DLGAP2: variants seen among roughly 807,000 people sequenced by gnomAD.
The protein encoded by DLGAP2 is disks large-associated protein 2.
A neutral mutation model predicts 100.3 loss-of-function variants in DLGAP2; 26 were observed. The observed-to-expected ratio is 0.26, with a 90% CI of 0.19 to 0.36. The LOEUF (loss-of-function observed/expected upper bound fraction) is 0.36. Ranked by LOEUF, DLGAP2 falls within the 10% of genes least tolerant of loss-of-function variation. DLGAP2 has a pLI of 1.00. For missense variants in DLGAP2, 1,858 were observed against 1,453.2 expected (o/e 1.28, Z -4.53); for synonymous variants, 886 against 630.1 (o/e 1.41, Z -6.08).
intron 3 of DLGAP2, among the ~76,000 whole-genome samples, chr8:1,279,106 A>T (rs1799764415): frequency 6.6e-6 from 1 of 152,238 alleles, no homozygotes; most frequent in African/African-American, 2.4e-5. Flanking sequence ...GTATTTTTCT[A>T]ATTGGGACTT....
At chr8:1,326,228 A>T (rs28376074) in intron 3 of DLGAP2, among the ~76,000 whole-genome samples, 19,127 of 152,260 alleles carry the variant, frequency 0.13, 1,292 homozygotes, top group East Asian at 0.23. Flanking sequence ...AGCAGTTTTA[A>T]ATAAAAATAA....
chr8:1,558,376 G>A (rs1399850548), intron 5 of DLGAP2, among the ~76,000 whole-genome samples: 1 of 152,208 alleles, frequency 6.6e-6, no homozygotes, highest in African/African-American at 2.4e-5. Flanking sequence ...AAGAGAGTGA[G>A]GCCACACCGC....
chr8:1,559,511 T>C (rs1490954751), intron 5 of DLGAP2, among the ~76,000 whole-genome samples: 1 of 152,234 alleles, frequency 6.6e-6, no homozygotes, highest in Non-Finnish European at 1.5e-5. Flanking sequence ...ACATTCTTTC[T>C]GTATTGAAAT....
chr8:1,274,315 A>G (rs986651254), intron 3 of DLGAP2, among the ~76,000 whole-genome samples: 5 of 152,202 alleles, frequency 3.3e-5, no homozygotes, highest in Admixed American at 3.3e-4. Flanking sequence ...TTGTGCCCCC[A>G]CACAGACTCT....
chr8:1,456,053 C>T (rs1798301965), intron 3 of DLGAP2, among the ~76,000 whole-genome samples: 1 of 152,242 alleles, frequency 6.6e-6, no homozygotes, highest in Non-Finnish European at 1.5e-5. Flanking sequence ...TCTGAGGAAT[C>T]TGTTGTTGGC....
chr8:849,970 A>T (rs1048623198), intron 1 of DLGAP2, among the ~76,000 whole-genome samples: 1 of 151,036 alleles, frequency 6.6e-6, no homozygotes, highest in Non-Finnish European at 1.5e-5. Context: ...AGGCTGAGGC[A>T]GGAGAATTGC....
At chr8:1,200,503 C>T (rs1276455570) in intron 2 of DLGAP2, among the ~76,000 whole-genome samples, 1 of 152,168 alleles carries the variant, frequency 6.6e-6, no homozygotes, top group Admixed American at 6.5e-5. Context: ...TCCTCGGGGG[C>T]TGAAGGGCCT....
chr8:985,932 A>G (rs1341397396), intron 2 of DLGAP2, among the ~76,000 whole-genome samples: 3 of 152,096 alleles, frequency 2.0e-5, no homozygotes, highest in South Asian at 2.1e-4. Flanking sequence ...CTCCCTGAAG[A>G]TGCTCTTGGT....
chr8:896,709 C>T (rs933146998), intron 1 of DLGAP2, among the ~76,000 whole-genome samples: 1 of 152,070 alleles, frequency 6.6e-6, no homozygotes, highest in Non-Finnish European at 1.5e-5. Flanking sequence ...ACCATCTGAG[C>T]CCGGAAGTGG....
At position 1,701,265 on chromosome 8, in the gene DLGAP2, G is replaced by A. The variant is rs768969900; in HGVS notation, c.3027G>A (p.Leu1009=). The part of the protein sequence containing the change: ...GKFPITREKS[L]DLPDRQRQEA... ...TTCCCATCACAAGAGAAAAATCCCT[G>A]GACCTGCCCGACAGACAACGCCAGG... Residue 1009 remains leucine (L), a synonymous_variant, in exon 15 of 15, where the codon CTG becomes CTA. Transcript: ENST00000637795. The A allele has an allele frequency of 6.3e-7, 1 of 1,582,330 alleles. No individual in the cohort carries two copies.
In DLGAP2 at chr8:953,657, T is replaced by A. The variant is rs527324543; in HGVS notation, c.73+45691T>A. On this transcript the variant is annotated intron_variant, in intron 2 of 14. Transcript: ENST00000637795. ...ATGACTGTGGTTTTGTCCATCAGTCTTTTTTCACATAAAAACAGAGTTGCG... is the reference window on the plus strand; with the variant it reads ...ATGACTGTGGTTTTGTCCATCAGTCATTTTTCACATAAAAACAGAGTTGCG... 2.3e-3 allele frequency among the ~76,000 whole-genome samples: 346 copies of A among 151,692 alleles called. 1 individual carries two copies. Among genetic ancestry groups the A allele is most frequent in the Non-Finnish European group, 4.2e-3 (283 of 68,022 alleles).
intron 2 of DLGAP2, among the ~76,000 whole-genome samples, chr8:972,454 A>G (rs1800036299): frequency 1.3e-5 from 2 of 152,240 alleles, no homozygotes; most frequent in South Asian, 4.1e-4. Flanking sequence ...AAAATCAAAG[A>G]TAAAAAACAT....
At chr8:748,197 GGGGGCTCTGCGGTGGGATGA>G (rs1371796136) in intron 1 of DLGAP2, among the ~76,000 whole-genome samples, 17 of 102,042 alleles carry the variant, frequency 1.7e-4, no homozygotes, top group East Asian at 6.9e-4. Context: ...CGGTGGGATG[GGGGGCTCTGCGGTGGGATGA>G]GCGGGTCTGC....
intron 8 of DLGAP2, among the ~76,000 whole-genome samples, chr8:1,655,656 A>G (rs555510456): frequency 3.0e-4 from 46 of 152,348 alleles, no homozygotes; most frequent in African/African-American, 1.1e-3. Context: ...AAGCCATGTG[A>G]AGTGTAGATT....
At chr8:1,464,034 G>T (rs1339310980) in intron 3 of DLGAP2, among the ~76,000 whole-genome samples, 1 of 152,226 alleles carries the variant, frequency 6.6e-6, no homozygotes, top group Non-Finnish European at 1.5e-5. Flanking sequence ...GAAAAAAAGG[G>T]AAATCAACAG....
At chr8:1,638,557 G>A (rs976335183) in intron 8 of DLGAP2, among the ~76,000 whole-genome samples, 2 of 152,178 alleles carry the variant, frequency 1.3e-5, no homozygotes, top group Non-Finnish European at 2.9e-5. Flanking sequence ...AGAAGAGCAC[G>A]GAGAAGACAG....
intron 3 of DLGAP2, among the ~76,000 whole-genome samples, chr8:1,351,963 T>C (rs1447135751): frequency 1.3e-5 from 1 of 74,670 alleles, no homozygotes; most frequent in Admixed American, 1.7e-4. Flanking sequence ...GGGTCCTGAG[T>C]GTGTGTGGAA....
chr8:1,122,056 T>C (rs1474155876), intron 2 of DLGAP2, among the ~76,000 whole-genome samples: 2 of 152,188 alleles, frequency 1.3e-5, no homozygotes, highest in Non-Finnish European at 2.9e-5. Context: ...CCCCTCGTGG[T>C]AATGCCCCAA....
At chr8:778,005 G>A (rs933844192) in intron 1 of DLGAP2, among the ~76,000 whole-genome samples, 7 of 152,062 alleles carry the variant, frequency 4.6e-5, no homozygotes, top group African/African-American at 1.7e-4. Flanking sequence ...CGTAGATTTG[G>A]TCTTTTCACG....
Sources: gnomAD v4.1 joint callset for allele counts (sites outside exome capture counted in the v4.1 genomes callset) on GRCh38, gnomAD v4.1.1 for gene constraint, MANE v1.5 for transcripts, NCBI Gene and HGNC (gene_info 2026-07-23, HGNC 2026-07-21) for gene names.